Variants in SYNGR4 observed in about 807,000 individuals in gnomAD.
SYNGR4 encodes synaptogyrin-4.
A neutral mutation model predicts 15.5 loss-of-function variants in SYNGR4; 15 were observed. The ratio of observed to expected loss-of-function variants is 0.97; its 90% CI spans 0.65 to 1.49. The LOEUF (loss-of-function observed/expected upper bound fraction) is 1.49, where lower values mean the gene tolerates loss of function less well. Among genes scored for constraint, SYNGR4 ranks in the 40% most tolerant of loss-of-function variants. The pLI, the probability that SYNGR4 is intolerant of heterozygous loss-of-function variation, is 0.00. For missense variants in SYNGR4, 292 were observed against 299.3 expected (o/e 0.98, Z 0.18); for synonymous variants, 121 against 127.4 (o/e 0.95, Z 0.34).
intron 2 of SYNGR4, among the ~76,000 whole-genome samples, chr19:48,369,423 G>A (rs913233620): frequency 6.6e-6 from 1 of 152,194 alleles, no homozygotes; most frequent in South Asian, 2.1e-4. Context: ...CTAGATGTCA[G>A]GAGGGCTAGA....
In SYNGR4 at chr19:48,373,587, T is replaced by G. The variant is rs1238679381; in HGVS notation, c.164T>G (p.Leu55Arg). 2 of 1,613,852 alleles carry G rather than the reference T, an allele frequency of 1.2e-6. No individual in the cohort carries two copies. Among genetic ancestry groups the G allele is most frequent in the South Asian group, 2.2e-5 (2 of 91,074 alleles). The stretch of plus-strand genomic sequence containing the variant: ...CAGAACAAGATGGAGTCTCCGCAGC[T>G]CCACTGCATTCTCAACAGCAACAGC... ...GYQNKMESPQ[L>R]HCILNSNSVA... is the part of the protein sequence containing the mutation. The change falls in exon 3 of 5, where the codon CTC becomes CGC. Residue 55 changes from leucine to arginine, a missense_variant. By Grantham distance (102) the Leu-to-Arg change is moderately radical. Transcript: ENST00000344846.
At chr19:48,370,867 C>T (rs962854078) in intron 2 of SYNGR4, among the ~76,000 whole-genome samples, 12 of 152,224 alleles carry the variant, frequency 7.9e-5, no homozygotes, top group Non-Finnish European at 1.8e-4. Context: ...GCTCTGGCCT[C>T]AGCCTTTCTC....
intron 2 of SYNGR4, among the ~76,000 whole-genome samples, chr19:48,367,265 T>C (rs1465687814): frequency 6.6e-6 from 1 of 151,710 alleles, no homozygotes; most frequent in African/African-American, 2.4e-5. Flanking sequence ...ACCCCATCTC[T>C]ACTAAAAATA....
intron 3 of SYNGR4, among the ~76,000 whole-genome samples, chr19:48,375,163 C>G (rs1013499963): frequency 1.3e-5 from 2 of 151,336 alleles, no homozygotes; most frequent in African/African-American, 4.9e-5. Context: ...GTAGCTGGGA[C>G]TACAGGTGCC....
intron 2 of SYNGR4, among the ~76,000 whole-genome samples, chr19:48,371,782 T>C (rs762202992): frequency 3.8e-4 from 57 of 151,938 alleles, no homozygotes; most frequent in Admixed American, 1.4e-3. Context: ...ATACTAGGTA[T>C]CACTCTGTTG....
intron 2 of SYNGR4, among the ~76,000 whole-genome samples, chr19:48,372,784 CTTATGTT>C (rs1389918718): frequency 6.6e-6 from 1 of 152,206 alleles, no homozygotes; most frequent in African/African-American, 2.4e-5. Flanking sequence ...CTGGGTGTTT[CTTATGTT>C]TCTCTTCGTA....
chr19:48,374,141 A>G (rs925360237), intron 3 of SYNGR4, among the ~76,000 whole-genome samples: 5 of 145,406 alleles, frequency 3.4e-5, no homozygotes, highest in Admixed American at 1.4e-4. Context: ...GCACTGGCAC[A>G]GTCTCGGCTC....
Position 48,365,767 on chromosome 19 carries a change from G to T in SYNGR4, c.-76G>T. 3 of 1,465,658 alleles carry T rather than the reference G, an allele frequency of 2.0e-6. No individual in the cohort carries two copies. Among genetic ancestry groups the T allele is most frequent in the Non-Finnish European group, 2.8e-6 (3 of 1,068,038 alleles). The allele number at this position is 1,465,658 out of a possible 1,614,324, so 90.8% of individuals were successfully genotyped here. The stretch of plus-strand genomic sequence containing the variant: ...AGCCCAGGGCTGGCCTGAAGCCCCC[G>T]GACGGCAGTGCCCAGCAGGCAGCGC... On this transcript the variant is annotated 5_prime_UTR_variant, in exon 2 of 5. Coordinates refer to ENST00000344846, the MANE Select transcript of SYNGR4 (RefSeq NM_012451.4).
chr19:48,366,048 C>G (rs1179998163), intron 2 of SYNGR4, 113 bp downstream of exon 2: 2 of 1,136,668 alleles, frequency 1.8e-6, no homozygotes, highest in African/African-American at 3.1e-5. Context: ...GACGGGGAAA[C>G]AAGACAACGG....
chr19:48,365,339 A>C (rs370404979), intron 1 of SYNGR4, among the ~76,000 whole-genome samples: 1 of 54,054 alleles, frequency 1.8e-5, no homozygotes, highest in African/African-American at 8.9e-5. Context: ...CTCTCCACAC[A>C]ACACCTTTCC....
At chr19:48,371,489 C>T (rs1201594583) in intron 2 of SYNGR4, among the ~76,000 whole-genome samples, 1 of 152,180 alleles carries the variant, frequency 6.6e-6, no homozygotes, top group African/African-American at 2.4e-5. Flanking sequence ...GCGCGTGGTC[C>T]AGTGTGAGGA....
At chr19:48,369,865 C>T (rs1970278803) in intron 2 of SYNGR4, among the ~76,000 whole-genome samples, 1 of 152,204 alleles carries the variant, frequency 6.6e-6, no homozygotes, top group African/African-American at 2.4e-5. Flanking sequence ...GTCAGTTCTT[C>T]TGCTCCAAAA....
chr19:48,365,601 C>A, intron 1 of SYNGR4, 135 bp from the exon 2 acceptor site: 1 of 526,534 alleles, frequency 1.9e-6, no homozygotes. Flanking sequence ...AGAGGCTCAG[C>A]AGTCCCCTCA....
chr19:48,375,102 T>A (rs1970381216), intron 3 of SYNGR4, among the ~76,000 whole-genome samples: 1 of 146,168 alleles, frequency 6.8e-6, no homozygotes, highest in African/African-American at 2.5e-5. Flanking sequence ...ATCAGCTCAC[T>A]GTAACCTCCG....
chr19:48,367,483 A>C (rs955318178), intron 2 of SYNGR4, among the ~76,000 whole-genome samples: 1 of 151,798 alleles, frequency 6.6e-6, no homozygotes. Flanking sequence ...CATGCCAGAG[A>C]GTTCTATTAG....
chr19:48,365,218 GC>G (rs1255462565), intron 1 of SYNGR4, among the ~76,000 whole-genome samples: 2 of 115,124 alleles, frequency 1.7e-5, no homozygotes, highest in Non-Finnish European at 3.6e-5. Context: ...CCCATCCTAT[GC>G]CCCCCTCTCC....
At chr19:48,375,074 G>A (rs749369358) in intron 3 of SYNGR4, among the ~76,000 whole-genome samples, 81 of 144,946 alleles carry the variant, frequency 5.6e-4, no homozygotes, top group Non-Finnish European at 9.0e-4. Flanking sequence ...CGCCCAGGCT[G>A]GAGTGCAGAG....
At chr19:48,375,138 G>A (rs1970381730) in intron 3 of SYNGR4, among the ~76,000 whole-genome samples, 1 of 148,080 alleles carries the variant, frequency 6.8e-6, no homozygotes, top group Non-Finnish European at 1.5e-5. Flanking sequence ...CGATTCTCCT[G>A]CCTCAGCCTC....
intron 3 of SYNGR4, among the ~76,000 whole-genome samples, chr19:48,375,181 G>T (rs1600949035): frequency 5.3e-5 from 8 of 151,672 alleles, no homozygotes; most frequent in Admixed American, 5.3e-4. Flanking sequence ...GCCCGCCACC[G>T]TGCTGGGCTA....
Sources: allele counts gnomAD v4.1 joint callset (sites outside exome capture counted in the v4.1 genomes callset), GRCh38; gene constraint gnomAD v4.1.1; transcripts MANE v1.5; gene names NCBI Gene and HGNC (gene_info 2026-07-23, HGNC 2026-07-21).